The following CACNA1E variants were observed in gnomAD, a reference collection of about 807,000 sequenced individuals.
CACNA1E encodes voltage-dependent R-type calcium channel subunit alpha-1E.
A neutral mutation model predicts 259.2 loss-of-function variants in CACNA1E; 40 were observed. The observed-to-expected ratio is 0.15, with a 90% confidence interval of 0.12 to 0.20. The LOEUF (loss-of-function observed/expected upper bound fraction) is 0.20, where lower values mean the gene tolerates loss of function less well. Ranked by LOEUF, CACNA1E falls within the 10% of genes least tolerant of loss-of-function variation. CACNA1E has a pLI of 1.00. For synonymous variants in CACNA1E, 1,104 were observed against 1,138.5 expected (o/e 0.97, Z 0.61); for missense variants, 1,874 against 3,040.1 (o/e 0.62, Z 9.02).
At chr1:181,577,059 A>G (rs769474945) in intron 3 of CACNA1E, among the ~76,000 whole-genome samples, 3 of 152,178 alleles carry the variant, frequency 2.0e-5, no homozygotes, top group Non-Finnish European at 4.4e-5. Context: ...AGTCCCTGCA[A>G]TGTCATGAGA....
chr1:181,698,911 C>T (rs1651965301), intron 7 of CACNA1E, among the ~76,000 whole-genome samples: 1 of 152,150 alleles, frequency 6.6e-6, no homozygotes, highest in Admixed American at 6.5e-5. Context: ...GATACTGAGA[C>T]TACAGAGGGA....
At chr1:181,625,103 T>G (rs2101910062) in intron 6 of CACNA1E, among the ~76,000 whole-genome samples, 1 of 148,222 alleles carries the variant, frequency 6.7e-6, no homozygotes, top group Non-Finnish European at 1.5e-5. Flanking sequence ...CTTAAAATAT[T>G]AAGGAAACCA....
intron 6 of CACNA1E, among the ~76,000 whole-genome samples, chr1:181,639,173 C>G (rs936353930): frequency 2.0e-5 from 3 of 151,946 alleles, no homozygotes; most frequent in Non-Finnish European, 4.4e-5. Flanking sequence ...CTGCAAGCTC[C>G]GCTGACCAGG....
At chr1:181,604,904 A>G (rs1572355135) in intron 6 of CACNA1E, among the ~76,000 whole-genome samples, 1 of 152,182 alleles carries the variant, frequency 6.6e-6, no homozygotes, top group East Asian at 1.9e-4. Flanking sequence ...TTTGTAGGAC[A>G]TGGGGAAGAC....
chr1:181,800,788 G>A lies in CACNA1E; in HGVS notation c.*1954G>A, dbSNP rs1306641010. ...CCTGAAAAGCCAAATTCAACCACATGGCTGGAGAATCATTTGTCATGGCCC... is the reference window on the plus strand; with the variant it reads ...CCTGAAAAGCCAAATTCAACCACATAGCTGGAGAATCATTTGTCATGGCCC... On this transcript the variant is annotated 3_prime_UTR_variant, in exon 48 of 48. Coordinates refer to ENST00000367573, the MANE Select transcript of CACNA1E (RefSeq NM_001205293.3). 6.6e-6 allele frequency: 1 copy of A among 152,616 alleles called. No homozygotes were observed. Among genetic ancestry groups the A allele is most frequent in the Non-Finnish European group, 1.5e-5 (1 of 68,060 alleles). 9.5% of individuals were successfully genotyped at this position (152,616 alleles called of 1,614,324 possible).
chr1:181,787,967 T>C (rs1660987115), intron 43 of CACNA1E, among the ~76,000 whole-genome samples: 1 of 152,174 alleles, frequency 6.6e-6, no homozygotes, highest in African/African-American at 2.4e-5. Context: ...CTTTGGATAA[T>C]GGGGTTTTAT....
chr1:181,373,565 A>T (rs1472851418), intron 1 of CACNA1E, among the ~76,000 whole-genome samples: 8 of 124,058 alleles, frequency 6.4e-5, no homozygotes, highest in Non-Finnish European at 8.1e-5. Context: ...TGAGACGGAG[A>T]CTCGCTCTGT....
chr1:181,610,131 G>C (rs1177771467), intron 6 of CACNA1E, among the ~76,000 whole-genome samples: 2 of 152,182 alleles, frequency 1.3e-5, no homozygotes, highest in Non-Finnish European at 2.9e-5. Flanking sequence ...AGCCATGACA[G>C]TTTGCTCCCT....
Position 181,771,396 on chromosome 1 carries a change from C to A in CACNA1E, c.4973+12C>A. ...ATGCTACTCTTCAGGTACCTGGATG[C>A]GTAACTGTCATAGCTGGGGTTCTCC... On this transcript the variant is annotated intron_variant, in intron 36 of 47. Coordinates refer to ENST00000367573, the MANE Select transcript of CACNA1E (RefSeq NM_001205293.3). The A allele has an allele frequency of 6.9e-7, 1 of 1,452,598 alleles. No individual in the cohort carries two copies. Among genetic ancestry groups the A allele is most frequent in the Non-Finnish European group, 9.6e-7 (1 of 1,039,948 alleles). 90.0% of individuals were successfully genotyped at this position (1,452,598 alleles called of 1,614,324 possible). A position where few individuals can be genotyped will look rare whatever the true frequency, so the allele number is the denominator to read the frequency against.
intron 7 of CACNA1E, among the ~76,000 whole-genome samples, chr1:181,671,206 TG>T (rs1191856272): frequency 6.6e-6 from 1 of 152,118 alleles, no homozygotes; most frequent in Non-Finnish European, 1.5e-5. Context: ...GCTAATTTTT[TG>T]TAGAGGTGGG....
chr1:181,618,557 T>G (rs1259871457), intron 6 of CACNA1E, among the ~76,000 whole-genome samples: 3 of 152,136 alleles, frequency 2.0e-5, no homozygotes, highest in African/African-American at 7.2e-5. Flanking sequence ...AGAGCAAGAC[T>G]CCATCTCAAA....
intron 2 of CACNA1E, among the ~76,000 whole-genome samples, chr1:181,427,486 C>T (rs1286198239): frequency 6.7e-6 from 1 of 149,956 alleles, no homozygotes; most frequent in Admixed American, 6.6e-5. Flanking sequence ...CCTTCCCCAT[C>T]TCAAGACTTC....
intron 25 of CACNA1E, 105 bp downstream of exon 25, chr1:181,739,358 A>G (rs984148509): frequency 9.9e-6 from 8 of 811,106 alleles, no homozygotes; most frequent in Admixed American, 2.0e-5. Flanking sequence ...GTGATGCCAA[A>G]GAATGCCCCC....
At chr1:181,771,179 T>G (rs1312631168) in intron 35 of CACNA1E, 114 bp from the exon 36 acceptor site, 1 of 639,114 alleles carries the variant, frequency 1.6e-6, no homozygotes, top group East Asian at 2.8e-5. Context: ...AGTTGTCTGC[T>G]TCAGGGGTAG....
At chr1:181,568,816 G>A (rs960710242) in intron 3 of CACNA1E, among the ~76,000 whole-genome samples, 6 of 152,036 alleles carry the variant, frequency 3.9e-5, no homozygotes, top group Non-Finnish European at 8.8e-5. Flanking sequence ...TGTTGTCCAC[G>A]CTGGCCTTGA....
At chr1:181,628,618 A>G (rs1313913470) in intron 6 of CACNA1E, among the ~76,000 whole-genome samples, 1 of 152,190 alleles carries the variant, frequency 6.6e-6, no homozygotes, top group East Asian at 1.9e-4. Flanking sequence ...TAAAAAGTGA[A>G]TATTTAGACT....
chr1:181,405,676 T>G (rs1233981487), intron 1 of CACNA1E, among the ~76,000 whole-genome samples: 2 of 152,328 alleles, frequency 1.3e-5, no homozygotes, highest in Middle Eastern at 3.4e-3. Flanking sequence ...TCCTTCCTTT[T>G]ATAAGCACTT....
chr1:181,788,782 T>C (rs374857139), intron 43 of CACNA1E, among the ~76,000 whole-genome samples: 2 of 152,210 alleles, frequency 1.3e-5, no homozygotes, highest in East Asian at 3.9e-4. Flanking sequence ...GTTATTTAAC[T>C]CTGTGAGATT....
chr1:181,608,817 C>T (rs894776571), intron 6 of CACNA1E, among the ~76,000 whole-genome samples: 6 of 152,188 alleles, frequency 3.9e-5, no homozygotes, highest in African/African-American at 1.4e-4. Context: ...TCACTGCTGC[C>T]TCTTCCCTTA....
Sources: gnomAD v4.1 joint callset for allele counts (sites outside exome capture counted in the v4.1 genomes callset) on GRCh38, gnomAD v4.1.1 for gene constraint, MANE v1.5 for transcripts, NCBI Gene and HGNC (gene_info 2026-07-23, HGNC 2026-07-21) for gene names.